Variants in BAZ1A observed in about 807,000 individuals in gnomAD.
The protein encoded by BAZ1A is bromodomain adjacent to zinc finger domain protein 1A.
BAZ1A carries 50 observed loss-of-function variants against 185.2 expected under a neutral mutation model. The observed-to-expected ratio is 0.27, with a 90% CI of 0.22 to 0.34. The LOEUF is 0.34. Ranked by LOEUF, BAZ1A falls within the 10% of genes least tolerant of loss-of-function variation. BAZ1A has a pLI of 1.00. For missense variants in BAZ1A, 1,356 were observed against 1,839.9 expected (o/e 0.74, Z 4.81); for synonymous variants, 571 against 615.6 (o/e 0.93, Z 1.07).
chr14:34,772,288 T>C (rs913027887), intron 20 of BAZ1A, among the ~76,000 whole-genome samples: 1 of 152,114 alleles, frequency 6.6e-6, no homozygotes, highest in Non-Finnish European at 1.5e-5. Context: ...ACTCATTCAC[T>C]CAAAGCCTTT....
At chr14:34,830,490 A>C (rs1461451298) in intron 3 of BAZ1A, among the ~76,000 whole-genome samples, 9 of 149,528 alleles carry the variant, frequency 6.0e-5, no homozygotes, top group African/African-American at 9.7e-5. Context: ...GAAGATAGAC[A>C]AAGTAGGTAC....
At chr14:34,839,267 C>T (rs1040776394) in intron 3 of BAZ1A, among the ~76,000 whole-genome samples, 14 of 152,046 alleles carry the variant, frequency 9.2e-5, no homozygotes, top group African/African-American at 3.1e-4. Context: ...AGAACTTGGC[C>T]GGGCGCAGTG....
intron 21 of BAZ1A, among the ~76,000 whole-genome samples, chr14:34,767,023 A>G (rs1464801494): frequency 6.6e-6 from 1 of 152,234 alleles, no homozygotes; most frequent in Non-Finnish European, 1.5e-5. Flanking sequence ...AGAGGCAAAA[A>G]CACAGTGGAT....
At chr14:34,794,635 CAG>C in intron 11 of BAZ1A, 112 bp downstream of exon 11, 4 of 1,061,920 alleles carry the variant, frequency 3.8e-6, no homozygotes, top group Non-Finnish European at 5.4e-6. Context: ...CTAGCCAGAC[CAG>C]AGAGATCCCA....
At chr14:34,872,335 G>T (rs767336215) in intron 2 of BAZ1A, among the ~76,000 whole-genome samples, 1 of 152,116 alleles carries the variant, frequency 6.6e-6, no homozygotes, top group Non-Finnish European at 1.5e-5. Context: ...GGTGGTTCAC[G>T]CCTATAATTC....
In BAZ1A at chr14:34,806,504, G is replaced by A. The variant is rs1237528379; in HGVS notation, c.726+947C>T. ...AAGTGATCCTCCCACCTCAGCCTTCGGAGTAGCTGGGACCACAGGCATGAG... is the reference window on the plus strand; with the variant it reads ...AAGTGATCCTCCCACCTCAGCCTTCAGAGTAGCTGGGACCACAGGCATGAG... On this transcript the variant is annotated intron_variant, in intron 6 of 26. Coordinates refer to ENST00000360310, the MANE Select transcript of BAZ1A (RefSeq NM_013448.3). 3.9e-5 allele frequency among the ~76,000 whole-genome samples: 6 copies of A among 152,064 alleles called. No individual in the cohort carries two copies. In the East Asian group the frequency reaches 5.8e-4, roughly 15 times the overall value.
intron 11 of BAZ1A, among the ~76,000 whole-genome samples, chr14:34,793,710 C>T (rs957524672): frequency 1.3e-5 from 2 of 152,060 alleles, no homozygotes; most frequent in African/African-American, 4.8e-5. Flanking sequence ...TTTGGGAGGC[C>T]GAGGCGGGCA....
intron 12 of BAZ1A, among the ~76,000 whole-genome samples, chr14:34,788,180 G>A: frequency 6.6e-6 from 1 of 152,000 alleles, no homozygotes; most frequent in African/African-American, 2.4e-5. Flanking sequence ...ACCACGCCTG[G>A]CTAATTTTTG....
At chr14:34,818,140 T>C (rs1020102888) in intron 4 of BAZ1A, among the ~76,000 whole-genome samples, 1 of 152,160 alleles carries the variant, frequency 6.6e-6, no homozygotes, top group Non-Finnish European at 1.5e-5. Context: ...ACACATACAA[T>C]GGATTATTCA....
At chr14:34,839,088 T>A (rs1202823882) in intron 3 of BAZ1A, among the ~76,000 whole-genome samples, 3 of 152,156 alleles carry the variant, frequency 2.0e-5, no homozygotes, top group African/African-American at 7.2e-5. Context: ...CAATTTATAT[T>A]TTATTCTGGA....
At chr14:34,850,945 A>G (rs2042586942) in intron 3 of BAZ1A, among the ~76,000 whole-genome samples, 1 of 152,188 alleles carries the variant, frequency 6.6e-6, no homozygotes, top group African/African-American at 2.4e-5. Context: ...ATGCAGAAAA[A>G]CAGCTACCTA....
Position 34,855,034 on chromosome 14 carries a change from G to A in BAZ1A, c.392+7010C>T, listed in dbSNP as rs576784068. ...GCGGAGGTTGCAGTGAGCTGAGATC[G>A]CGCCACTGCACTCCAGCCTGGGCGA... On this transcript the variant is annotated intron_variant, in intron 3 of 26. Coordinates refer to ENST00000360310, the MANE Select transcript of BAZ1A (RefSeq NM_013448.3). Among the ~76,000 whole-genome samples the A allele has an allele frequency of 8.5e-5, 13 of 152,110 alleles. No individual in the cohort carries two copies. The East Asian group carries it at 1.2e-3, about 14-fold the overall frequency.
In BAZ1A at chr14:34,872,938, A is replaced by AC. The variant is rs1379976544; in HGVS notation, c.113+1553_113+1554insG. Among the ~76,000 whole-genome samples, 485 of 133,028 alleles carry AC rather than the reference A, an allele frequency of 3.6e-3. 17 individuals carry two copies. The highest frequency in any genetic ancestry group is 6.6e-3 in the Non-Finnish European group (370 of 55,862). 87.3% of individuals were successfully genotyped at this position (133,028 alleles called of 152,430 possible). A position where few individuals can be genotyped will look rare whatever the true frequency, so the allele number is the denominator to read the frequency against. Reference sequence around the variant, plus strand: ...TAAAAAAAAAAAAAAAAAAAAAAAAAAAACTTGTCCAATTACCTAATCCAA... The same window carrying AC: ...TAAAAAAAAAAAAAAAAAAAAAAAAACAAACTTGTCCAATTACCTAATCCAA... On this transcript the variant is annotated intron_variant, in intron 2 of 26. Transcript: ENST00000360310.
chr14:34,758,766 C>A lies in BAZ1A; in HGVS notation c.4324G>T (p.Val1442Phe). 1 of 1,614,174 alleles carries A rather than the reference C, an allele frequency of 6.2e-7. No individual in the cohort carries two copies. ...VHELSAFEQLVVELVRHDDSW... is the reference protein window; with the variant it reads ...VHELSAFEQLFVELVRHDDSW... ...TCATCATGTCGTACCAATTCTACAA[C>A]AAGTTGTTCAAAAGCAGACAATTCA... The change falls in exon 25 of 27, where the codon GTT (valine) becomes TTT (phenylalanine). Residue 1442 changes from valine (V) to phenylalanine (F), a missense_variant. Val to Phe is a conservative substitution (Grantham distance 50). Around this residue, in one of 7 missense-constraint regions of BAZ1A, gnomAD observed 309 missense variants for 355.3 expected, o/e 0.87. Transcript: ENST00000360310.
At chr14:34,869,132 G>A (rs944505919) in intron 2 of BAZ1A, among the ~76,000 whole-genome samples, 4 of 151,794 alleles carry the variant, frequency 2.6e-5, no homozygotes, top group Non-Finnish European at 2.9e-5. Context: ...GCATGAACCC[G>A]GGAGGCGGAG....
At chr14:34,796,909 T>C (rs939639805) in intron 9 of BAZ1A, among the ~76,000 whole-genome samples, 5 of 152,256 alleles carry the variant, frequency 3.3e-5, no homozygotes, top group African/African-American at 4.8e-5. Context: ...TAATTCATTG[T>C]TGCTAACAGT....
chr14:34,775,937 C>A lies in BAZ1A; in HGVS notation c.2815G>T (p.Glu939Ter). ...AATTTACCTGAAAAATGAAATTTCT[C>A]TTCAGAAAAACGGGCTAGCTGTGCA... The part of the protein sequence containing the change: ...ICAQLARFSE[E>*]KFHFSDKPQP... Residue 939 changes from glutamate (E) to a stop codon, truncating the protein, a stop_gained, in exon 18 of 27, where the codon GAG (glutamate) becomes TAG (stop). Coordinates refer to ENST00000360310, the MANE Select transcript of BAZ1A (RefSeq NM_013448.3). LOFTEE classifies it high-confidence loss of function. 6.4e-7 allele frequency: 1 copy of A among 1,558,456 alleles called. No individual in the cohort carries two copies. Among genetic ancestry groups the A allele is most frequent in the South Asian group, 1.2e-5 (1 of 84,394 alleles).
chr14:34,846,740 A>G (rs953818322), intron 3 of BAZ1A, among the ~76,000 whole-genome samples: 2 of 152,160 alleles, frequency 1.3e-5, no homozygotes, highest in African/African-American at 4.8e-5. Context: ...CCAGGAGCCA[A>G]TTAGGTTGGA....
chr14:34,758,655 C>T, intron 25 of BAZ1A, 49 bp downstream of exon 25: 5 of 1,580,912 alleles, frequency 3.2e-6, no homozygotes, highest in Non-Finnish European at 4.3e-6. Context: ...ATCACGTGGA[C>T]TAAATCAGAT....
Sources: allele counts gnomAD v4.1 joint callset (sites outside exome capture counted in the v4.1 genomes callset), GRCh38; gene constraint gnomAD v4.1.1; regional missense constraint gnomAD v4.1.1; transcripts MANE v1.5; gene names NCBI Gene and HGNC (gene_info 2026-07-23, HGNC 2026-07-21).